Variants in CERKL observed in about 807,000 individuals in gnomAD.
CERKL encodes CERK like autophagy regulator.
In CERKL, 61 loss-of-function variants were observed where a neutral mutation model predicts 63.4. The observed-to-expected ratio is 0.96, with a 90% CI of 0.78 to 1.19. The LOEUF is 1.19. Ranked by LOEUF, CERKL falls within the 50% of genes most tolerant of loss-of-function variation. CERKL has a pLI of 0.00. For missense variants in CERKL, 675 were observed against 655.5 expected, an observed-to-expected ratio of 1.03 and a Z score of -0.33; for synonymous variants, 250 against 230.5, an observed-to-expected ratio of 1.08 and a Z score of -0.77.
chr2:181,542,627 T>C (rs1559068858), intron 11 of CERKL, among the ~76,000 whole-genome samples: 1 of 96,252 alleles, frequency 1.0e-5, no homozygotes, highest in Non-Finnish European at 2.2e-5. Flanking sequence ...TTAGAATTCT[T>C]TGCAAAAAAA....
chr2:181,582,443 A>T (rs1684552819), intron 2 of CERKL, among the ~76,000 whole-genome samples: 1 of 152,004 alleles, frequency 6.6e-6, no homozygotes, highest in African/African-American at 2.4e-5. Context: ...CTTTAGTAGT[A>T]GTATCGGTAT....
In CERKL at chr2:181,656,874, G is replaced by A. The variant is rs996104715; in HGVS notation, c.133C>T (p.Arg45Trp). ...SPQQTEAAAE[R>W]ILLRGIFEIG... ...TCGAAGATGCCCCGGAGCAGAATCC[G>A]CTCGGCCGCCGCCTCCGTCTGCTGC... is the stretch of plus-strand genomic sequence containing the variant. The change falls in exon 1 of 13, where the codon CGG becomes TGG. Residue 45 changes from arginine to tryptophan, a missense_variant. By Grantham distance (101) the Arg-to-Trp change is moderately radical. Transcript: ENST00000410087. The A allele has an allele frequency of 1.2e-6, 2 of 1,604,942 alleles. No homozygotes were observed. Among genetic ancestry groups the A allele is most frequent in the South Asian group, 1.1e-5 (1 of 90,568 alleles).
chr2:181,653,994 C>A (rs1352991707), intron 1 of CERKL, among the ~76,000 whole-genome samples: 1 of 151,998 alleles, frequency 6.6e-6, no homozygotes, highest in East Asian at 1.9e-4. Context: ...ACGTAAATAT[C>A]AAAACATCAA....
chr2:181,653,418 A>C (rs1319574257), intron 1 of CERKL, among the ~76,000 whole-genome samples: 3 of 152,244 alleles, frequency 2.0e-5, no homozygotes, highest in Non-Finnish European at 2.9e-5. Flanking sequence ...GTATGCATCC[A>C]AAGGAAATAA....
chr2:181,561,844 C>T (rs1462105773), intron 4 of CERKL, among the ~76,000 whole-genome samples: 5 of 151,904 alleles, frequency 3.3e-5, no homozygotes, highest in South Asian at 2.1e-4. Flanking sequence ...GACAGAGTCT[C>T]GCTCTGTTGC....
At chr2:181,605,854 G>T (rs1372568883) in intron 1 of CERKL, among the ~76,000 whole-genome samples, 1 of 152,104 alleles carries the variant, frequency 6.6e-6, no homozygotes, top group African/African-American at 2.4e-5. Flanking sequence ...TTTAGTCCTT[G>T]AAGTATGAAC....
intron 1 of CERKL, among the ~76,000 whole-genome samples, chr2:181,639,536 T>C (rs1489257360): frequency 6.6e-6 from 1 of 152,212 alleles, no homozygotes; most frequent in African/African-American, 2.4e-5. Context: ...AAGCTGTTGA[T>C]GATGGAACTG....
chr2:181,622,714 A>G (rs1023691848), intron 1 of CERKL, among the ~76,000 whole-genome samples: 3 of 152,194 alleles, frequency 2.0e-5, no homozygotes, highest in Non-Finnish European at 4.4e-5. Flanking sequence ...TGTATTTCCC[A>G]TTTTCTTAAA....
chr2:181,562,677 T>C (rs553219720), intron 4 of CERKL, among the ~76,000 whole-genome samples: 3 of 152,310 alleles, frequency 2.0e-5, no homozygotes, highest in South Asian at 2.1e-4. Flanking sequence ...AACAGAATTA[T>C]TCTGTCTAGA....
At chr2:181,621,353 G>A (rs1234135127) in intron 1 of CERKL, among the ~76,000 whole-genome samples, 15 of 152,154 alleles carry the variant, frequency 9.9e-5, no homozygotes, top group Admixed American at 9.8e-4. Context: ...CCAGTCAGCT[G>A]ATATAGTTTA....
intron 2 of CERKL, among the ~76,000 whole-genome samples, chr2:181,586,128 G>T (rs548866651): frequency 6.6e-6 from 1 of 152,144 alleles, no homozygotes; most frequent in African/African-American, 2.4e-5. Context: ...ACTAGGTTAG[G>T]AAGGTAAGAA....
intron 4 of CERKL, among the ~76,000 whole-genome samples, chr2:181,560,652 A>G (rs1318057526): frequency 6.6e-6 from 1 of 151,824 alleles, no homozygotes; most frequent in Admixed American, 6.6e-5. Context: ...ATAGAAAGAT[A>G]AAGTAACTTT....
intron 1 of CERKL, among the ~76,000 whole-genome samples, chr2:181,612,258 T>A (rs1374176512): frequency 1.3e-5 from 2 of 152,190 alleles, no homozygotes; most frequent in South Asian, 4.1e-4. Flanking sequence ...AACCCTGTCA[T>A]CTGTTTTGTT....
In CERKL at chr2:181,644,108, T is replaced by C. The variant is rs1219600472; in HGVS notation, c.238+12661A>G. On this transcript the variant is annotated intron_variant, in intron 1 of 12. Transcript: ENST00000410087. Reference sequence around the variant, plus strand: ...ACAAGCTAAGGGCTAAATCATGAAATACGCAAATAAGTCTGTGGCATCTGT... The same window carrying C: ...ACAAGCTAAGGGCTAAATCATGAAACACGCAAATAAGTCTGTGGCATCTGT... 7.2e-5 allele frequency among the ~76,000 whole-genome samples: 11 copies of C among 152,336 alleles called. No homozygotes were observed. The South Asian group carries it at 2.1e-3, about 29-fold the overall frequency.
intron 1 of CERKL, 126 bp from the exon 2 acceptor site, chr2:181,604,205 T>C (rs573794015): frequency 1.4e-6 from 1 of 704,340 alleles, no homozygotes; most frequent in Admixed American, 2.6e-5. Context: ...AACTAATGGG[T>C]ACTGGGCTTA....
chr2:181,549,048 A>G (rs1249977127), intron 6 of CERKL, among the ~76,000 whole-genome samples, 191 bp from the exon 7 acceptor site: 1 of 152,208 alleles, frequency 6.6e-6, no homozygotes, highest in Non-Finnish European at 1.5e-5. Context: ...TTGTTCAGGT[A>G]CTAGTGAAGA....
At chr2:181,540,823 G>A (rs1338442470) in intron 11 of CERKL, among the ~76,000 whole-genome samples, 1 of 152,210 alleles carries the variant, frequency 6.6e-6, no homozygotes, top group Non-Finnish European at 1.5e-5. Flanking sequence ...ATACAGGGGA[G>A]TGCCATGATG....
chr2:181,560,820 T>G (rs16867447), intron 4 of CERKL, among the ~76,000 whole-genome samples: 1 of 152,040 alleles, frequency 6.6e-6, no homozygotes, highest in Non-Finnish European at 1.5e-5. Context: ...TGAAAAACAG[T>G]TTACCAGTAG....
At chr2:181,584,459 C>G (rs1355693494) in intron 2 of CERKL, among the ~76,000 whole-genome samples, 1 of 151,960 alleles carries the variant, frequency 6.6e-6, no homozygotes, top group Non-Finnish European at 1.5e-5. Context: ...CTTCCATGAG[C>G]TATGGTCACA....
Sources: allele counts gnomAD v4.1 joint callset (sites outside exome capture counted in the v4.1 genomes callset), GRCh38; gene constraint gnomAD v4.1.1; transcripts MANE v1.5; gene names NCBI Gene and HGNC (gene_info 2026-07-23, HGNC 2026-07-21).